The following GIPC1 variants were observed in gnomAD, a reference collection of about 807,000 sequenced individuals.
The protein encoded by GIPC1 is PDZ domain-containing protein GIPC1.
GIPC1 carries 15 observed loss-of-function variants against 28.5 expected under a neutral mutation model. The ratio of observed to expected loss-of-function variants is 0.53; its 90% CI spans 0.35 to 0.81. The LOEUF (loss-of-function observed/expected upper bound fraction) is 0.81. Among genes scored for constraint, GIPC1 ranks in the 30% least tolerant of loss-of-function variants. The pLI, the probability that GIPC1 is intolerant of heterozygous loss-of-function variation, is 0.01. For synonymous variants in GIPC1, 224 were observed against 206.1 expected (o/e 1.09, Z -0.74); for missense variants, 439 against 481.9 (o/e 0.91, Z 0.83).
intron 3 of GIPC1, among the ~76,000 whole-genome samples, chr19:14,484,592 A>G (rs1390576791): frequency 1.3e-5 from 2 of 151,652 alleles, no homozygotes; most frequent in African/African-American, 4.8e-5. Context: ...AAAAAAACAC[A>G]AAAATTAGCC....
intron 3 of GIPC1, among the ~76,000 whole-genome samples, chr19:14,485,098 T>G (rs2071806955): frequency 6.6e-6 from 1 of 152,050 alleles, no homozygotes; most frequent in Non-Finnish European, 1.5e-5. Context: ...AGGCAGAGAT[T>G]GCAGTGAGCT....
At chr19:14,489,360 G>C (rs780054650) in intron 3 of GIPC1, 3 of 782,402 alleles carry the variant, frequency 3.8e-6, no homozygotes, top group African/African-American at 3.4e-5. Context: ...CTGTTCCAAG[G>C]CATCTGTGAG....
intron 1 of GIPC1, among the ~76,000 whole-genome samples, chr19:14,495,000 C>T (rs767681316): frequency 6.6e-6 from 1 of 152,160 alleles, no homozygotes; most frequent in African/African-American, 2.4e-5. Flanking sequence ...CACGCCCAGG[C>T]TCCCCGTTCC....
intron 3 of GIPC1, among the ~76,000 whole-genome samples, chr19:14,487,972 T>G (rs1180464965): frequency 1.3e-5 from 2 of 152,190 alleles, no homozygotes; most frequent in African/African-American, 4.8e-5. Context: ...TGAGCCACTG[T>G]GCCCAGCCTC....
At chr19:14,485,738 G>GAGAGACAGAC (rs1555721833) in intron 3 of GIPC1, among the ~76,000 whole-genome samples, 94 of 141,650 alleles carry the variant, frequency 6.6e-4, no homozygotes, top group African/African-American at 2.4e-3. Context: ...GAGAGAGAGA[G>GAGAGACAGAC]AGACAGAGAG....
intron 3 of GIPC1, chr19:14,489,321 C>T: frequency 2.3e-5 from 18 of 767,230 alleles, no homozygotes; most frequent in South Asian, 2.2e-4. Flanking sequence ...GCTGGGCCTA[C>T]CGCGGTAGCG....
chr19:14,489,401 AC>A (rs759549737), intron 3 of GIPC1: 10 of 793,540 alleles, frequency 1.3e-5, no homozygotes, highest in Non-Finnish European at 2.3e-5. Context: ...AGCAAAGCTC[AC>A]CCTCCTGAGT....
At chr19:14,479,927 C>T (rs1171878589) in intron 6 of GIPC1, 2 of 428,550 alleles carry the variant, frequency 4.7e-6, no homozygotes, top group Non-Finnish European at 8.4e-6. Context: ...TAGTCCCCCA[C>T]CCCCACCTCA....
intron 3 of GIPC1, among the ~76,000 whole-genome samples, chr19:14,487,401 T>A (rs1260462946): frequency 6.6e-6 from 1 of 151,296 alleles, no homozygotes; most frequent in African/African-American, 2.4e-5. Flanking sequence ...CCCGGCTAAT[T>A]TTTTTTGTGT....
At position 14,479,470 on chromosome 19, in the gene GIPC1, C is replaced by T. The variant is rs531294803; in HGVS notation, c.710G>A (p.Gly237Asp). The change falls in exon 7 of 9, where the codon GGC becomes GAC. Residue 237 changes from glycine (G) to aspartate (D), a missense_variant. Gly to Asp is a moderately conservative substitution (Grantham distance 94). Transcript: ENST00000393033. ...GGRPGSGPQL[G>D]TGRGTLRLRS... is the part of the protein sequence containing the mutation. The stretch of plus-strand genomic sequence containing the variant: ...GAGCCGCAGGGTCCCTCGGCCAGTG[C>T]CCAGTTGTGGGCCAGAGCCAGGGCG... The T allele has an allele frequency of 2.1e-6, 3 of 1,440,260 alleles. No homozygotes were observed. The highest frequency in any genetic ancestry group is 5.8e-5 in the East Asian group (2 of 34,608). The allele number at this position is 1,440,260 out of a possible 1,614,324, so 89.2% of individuals were successfully genotyped here. A position where few individuals can be genotyped will look rare whatever the true frequency, so the allele number is the denominator to read the frequency against.
rs1262127522 is a variant in GIPC1 at position 14,478,098 on chromosome 19, G to A, written c.*318C>T. On this transcript the variant is annotated 3_prime_UTR_variant, in exon 9 of 9. Coordinates refer to ENST00000393033, the MANE Select transcript of GIPC1 (RefSeq NM_005716.4). This position sits in a 1 kb window ranked among gnomAD's most constrained non-coding sequence, Gnocchi z 5.2. Reference sequence around the variant, plus strand: ...CCAGGGAGACAGAGGGACCAGTTTGGCAGCTGATGGTGGAAAGTGGTGGAG... The same window carrying A: ...CCAGGGAGACAGAGGGACCAGTTTGACAGCTGATGGTGGAAAGTGGTGGAG... The A allele has an allele frequency of 3.1e-6, 1 of 326,794 alleles. No homozygotes were observed. The highest frequency in any genetic ancestry group is 5.7e-6 in the Non-Finnish European group (1 of 174,754). The allele number at this position is 326,794 out of a possible 1,614,324, so 20.2% of individuals were successfully genotyped here.
chr19:14,479,403 A>C lies in GIPC1; in HGVS notation c.768+9T>G. 1 of 1,194,886 alleles carries C rather than the reference A, an allele frequency of 8.4e-7. No individual in the cohort carries two copies. Among genetic ancestry groups the C allele is most frequent in the Non-Finnish European group, 1.1e-6 (1 of 891,062 alleles). The allele number at this position is 1,194,886 out of a possible 1,614,324, so 74.0% of individuals were successfully genotyped here. A position where few individuals can be genotyped will look rare whatever the true frequency, so the allele number is the denominator to read the frequency against. ...GATGCCGGAGATAGGGTCCGGCTGGAGCACTCACCAGATCCTCCACCGTGG... is the reference window on the plus strand; with the variant it reads ...GATGCCGGAGATAGGGTCCGGCTGGCGCACTCACCAGATCCTCCACCGTGG... On this transcript the variant is annotated intron_variant, in intron 7 of 8. Transcript: ENST00000393033.
intron 1 of GIPC1, among the ~76,000 whole-genome samples, chr19:14,493,388 T>C (rs1316902454): frequency 1.3e-5 from 2 of 152,086 alleles, no homozygotes; most frequent in African/African-American, 4.8e-5. Flanking sequence ...CTGCTCTGGG[T>C]TCATCTTCTG....
intron 7 of GIPC1, among the ~76,000 whole-genome samples, 161 bp downstream of exon 7, chr19:14,479,251 C>G (rs1599345110): frequency 6.6e-6 from 1 of 151,912 alleles, no homozygotes; most frequent in Middle Eastern, 3.4e-3. Context: ...ACTTGGGAGG[C>G]TGAGGCAGGA....
In GIPC1 at chr19:14,496,120, T is replaced by A; in HGVS notation, c.-258A>T. 5.0e-6 allele frequency: 1 copy of A among 198,212 alleles called. No individual in the cohort carries two copies. Among genetic ancestry groups the A allele is most frequent in the East Asian group, 1.4e-4 (1 of 7,204 alleles). 12.3% of individuals were successfully genotyped at this position (198,212 alleles called of 1,614,324 possible). The stretch of plus-strand genomic sequence containing the variant: ...GCACCCGGCTCGGCCCTCCGCAAAC[T>A]CCAGACCGGGCCTCTCCCGCAGCGG... On this transcript the variant is annotated 5_prime_UTR_variant, in exon 1 of 9. Coordinates refer to ENST00000393033, the MANE Select transcript of GIPC1 (RefSeq NM_005716.4).
At chr19:14,492,749 G>A (rs1185526192) in intron 2 of GIPC1, 108 bp downstream of exon 2, 4 of 152,060 alleles carry the variant, frequency 2.6e-5, no homozygotes, top group South Asian at 2.1e-4. Flanking sequence ...GTCCCCACCC[G>A]TGAGGAGGCA....
intron 3 of GIPC1, among the ~76,000 whole-genome samples, chr19:14,490,514 C>T (rs538310041): frequency 5.4e-4 from 81 of 149,216 alleles, no homozygotes; most frequent in Non-Finnish European, 9.8e-4. Flanking sequence ...CCCATCTCTA[C>T]TAAAAATACA....
At chr19:14,494,086 A>C (rs1465720834) in intron 1 of GIPC1, among the ~76,000 whole-genome samples, 1 of 151,754 alleles carries the variant, frequency 6.6e-6, no homozygotes, top group Non-Finnish European at 1.5e-5. Context: ...CAGCCTCCTG[A>C]GTAGCTGGGC....
chr19:14,485,919 C>T (rs1361190907), intron 3 of GIPC1, among the ~76,000 whole-genome samples: 1 of 151,614 alleles, frequency 6.6e-6, no homozygotes, highest in African/African-American at 2.4e-5. Flanking sequence ...TACAAGTGCC[C>T]GCCACCATGC....
Sources: gnomAD v4.1 joint callset for allele counts (sites outside exome capture counted in the v4.1 genomes callset) on GRCh38, gnomAD v4.1.1 for gene constraint, Gnocchi (gnomAD v3.1) non-coding constraint, MANE v1.5 for transcripts, NCBI Gene and HGNC (gene_info 2026-07-23, HGNC 2026-07-21) for gene names.